The following ZNF521 variants were observed in gnomAD, a reference collection of about 807,000 sequenced individuals.
The protein encoded by ZNF521 is zinc finger protein 521.
ZNF521 carries 14 observed loss-of-function variants against 105.5 expected under a neutral mutation model. That is an observed-to-expected ratio of 0.13 (90% CI 0.09 to 0.21). The LOEUF (loss-of-function observed/expected upper bound fraction) is 0.21, where lower values mean the gene tolerates loss of function less well. ZNF521 is among the 10% of genes least tolerant of loss of function. The probability of loss-of-function intolerance (pLI) is 1.00; values close to 1 mark genes in which losing one functional copy is unlikely to be tolerated. For synonymous variants in ZNF521, 635 were observed against 606.0 expected (o/e 1.05, Z -0.70); for missense variants, 1,233 against 1,629.7 (o/e 0.76, Z 4.19).
rs1028219374 is a variant in ZNF521 at position 25,285,696 on chromosome 18, T to A, written c.220+36312A>T. On this transcript the variant is annotated intron_variant, in intron 3 of 7. Transcript: ENST00000361524. ...GTAGTTGCACTTCTCTCTCTCTCTC[T>A]CTCACACACACACACACACACACAC... is the stretch of plus-strand genomic sequence containing the variant. 1.8e-4 allele frequency among the ~76,000 whole-genome samples: 23 copies of A among 127,106 alleles called. No homozygotes were observed. In the East Asian group the frequency reaches 4.6e-3, roughly 25 times the overall value. The allele number at this position is 127,106 out of a possible 152,430, so 83.4% of individuals were successfully genotyped here.
intron 3 of ZNF521, among the ~76,000 whole-genome samples, chr18:25,259,383 A>G (rs1327070911): frequency 1.3e-5 from 2 of 152,086 alleles, no homozygotes; most frequent in African/African-American, 4.8e-5. Context: ...TGTGAAATAA[A>G]CCTTCTTAAG....
intron 2 of ZNF521, among the ~76,000 whole-genome samples, chr18:25,328,976 A>G (rs1913397810): frequency 6.6e-6 from 1 of 152,256 alleles, no homozygotes; most frequent in African/African-American, 2.4e-5. Context: ...GTAGTTACTA[A>G]CATATTCCTA....
At chr18:25,105,120 ATCT>A (rs1200267398) in intron 5 of ZNF521, among the ~76,000 whole-genome samples, 1 of 152,212 alleles carries the variant, frequency 6.6e-6, no homozygotes, top group Non-Finnish European at 1.5e-5. Flanking sequence ...TTCAGTCTGA[ATCT>A]TCTTCTTCCT....
At position 25,238,694 on chromosome 18, in the gene ZNF521, C is replaced by T. The variant is rs1462065835; in HGVS notation, c.221-10997G>A. ...TACCCTTCTTCAATTATCATTCCAG[C>T]TATCCTGGCTGTACACAACAAAACC... On this transcript the variant is annotated intron_variant, in intron 3 of 7. Transcript: ENST00000361524. 3.3e-5 allele frequency among the ~76,000 whole-genome samples: 5 copies of T among 152,200 alleles called. No individual in the cohort carries two copies. The East Asian group carries it at 9.6e-4, about 29-fold the overall frequency.
intron 5 of ZNF521, among the ~76,000 whole-genome samples, chr18:25,112,646 TGGGGTGCGG>T (rs757511945): frequency 6.6e-6 from 1 of 152,118 alleles, no homozygotes; most frequent in Non-Finnish European, 1.5e-5. Context: ...GTAGGGAATG[TGGGGTGCGG>T]GGGGGCAGAG....
chr18:25,338,677 C>T (rs538291695), intron 2 of ZNF521, among the ~76,000 whole-genome samples: 20 of 152,244 alleles, frequency 1.3e-4, no homozygotes, highest in African/African-American at 4.6e-4. Context: ...CTCCCAAAAT[C>T]CTAGGATTAC....
chr18:25,218,482 TAA>T (rs35500329), intron 4 of ZNF521, among the ~76,000 whole-genome samples: 1,729 of 79,798 alleles, frequency 0.022, 31 homozygotes, highest in East Asian at 0.076. Context: ...TCGAGCCTAC[TAA>T]AAAAAAAAAA....
chr18:25,260,194 T>A (rs988766086), intron 3 of ZNF521, among the ~76,000 whole-genome samples: 1 of 152,142 alleles, frequency 6.6e-6, no homozygotes, highest in Non-Finnish European at 1.5e-5. Context: ...CCCACTTCTG[T>A]CACTTATTCA....
intron 3 of ZNF521, among the ~76,000 whole-genome samples, chr18:25,290,558 A>G (rs935021114): frequency 6.6e-6 from 1 of 150,896 alleles, no homozygotes; most frequent in Non-Finnish European, 1.5e-5. Context: ...AGCAATTTCT[A>G]CTTCTATTGA....
At chr18:25,189,370 T>C (rs2035780313) in intron 5 of ZNF521, among the ~76,000 whole-genome samples, 1 of 152,236 alleles carries the variant, frequency 6.6e-6, no homozygotes, top group African/African-American at 2.4e-5. Flanking sequence ...ATTTACAGTC[T>C]GCTTCATTGG....
intron 5 of ZNF521, among the ~76,000 whole-genome samples, chr18:25,165,526 G>A (rs547548730): frequency 1.3e-5 from 2 of 152,296 alleles, no homozygotes; most frequent in African/African-American, 4.8e-5. Context: ...CTTCTCCAGA[G>A]ACCTCAGAGC....
At chr18:25,084,739 G>C (rs958805964) in intron 7 of ZNF521, among the ~76,000 whole-genome samples, 3 of 152,136 alleles carry the variant, frequency 2.0e-5, no homozygotes, top group African/African-American at 7.2e-5. Context: ...CAAGAGGCCT[G>C]ACAGAACTTT....
intron 3 of ZNF521, among the ~76,000 whole-genome samples, chr18:25,239,442 C>T (rs757237927): frequency 3.3e-5 from 5 of 152,158 alleles, no homozygotes; most frequent in Non-Finnish European, 5.9e-5. Flanking sequence ...TTTCAAGCTG[C>T]GTTAGCTAGA....
intron 3 of ZNF521, among the ~76,000 whole-genome samples, chr18:25,234,308 G>A (rs1029540617): frequency 2.6e-5 from 4 of 152,176 alleles, no homozygotes; most frequent in Admixed American, 1.3e-4. Flanking sequence ...CGTCACCAGA[G>A]TGGATTTCCT....
At chr18:25,305,644 T>C (rs2145087417) in intron 3 of ZNF521, among the ~76,000 whole-genome samples, 1 of 152,282 alleles carries the variant, frequency 6.6e-6, no homozygotes, top group East Asian at 1.9e-4. Context: ...ATTTCCTCCA[T>C]TTGGCCAGTT....
chr18:25,325,044 C>A (rs922072206), intron 2 of ZNF521, among the ~76,000 whole-genome samples: 1 of 152,218 alleles, frequency 6.6e-6, no homozygotes, highest in Non-Finnish European at 1.5e-5. Context: ...CTCCAGCCAA[C>A]TGGCGAATTT....
At chr18:25,272,030 T>C (rs1245378256) in intron 3 of ZNF521, among the ~76,000 whole-genome samples, 1 of 152,166 alleles carries the variant, frequency 6.6e-6, no homozygotes, top group African/African-American at 2.4e-5. Context: ...AAAGTGCTAA[T>C]ATCCTGAATC....
chr18:25,071,564 T>C (rs1216548701), intron 7 of ZNF521, among the ~76,000 whole-genome samples: 1 of 152,160 alleles, frequency 6.6e-6, no homozygotes, highest in Non-Finnish European at 1.5e-5. Context: ...CTAGACTCAA[T>C]GGCAGGTGAA....
chr18:25,066,587 T>C (rs1280692894), intron 7 of ZNF521, among the ~76,000 whole-genome samples: 2 of 152,178 alleles, frequency 1.3e-5, no homozygotes, highest in African/African-American at 4.8e-5. Flanking sequence ...CTGATGCTCA[T>C]AGACATTATT....
Sources: allele counts gnomAD v4.1 joint callset (sites outside exome capture counted in the v4.1 genomes callset), GRCh38; gene constraint gnomAD v4.1.1; transcripts MANE v1.5; gene names NCBI Gene and HGNC (gene_info 2026-07-23, HGNC 2026-07-21).